Variants in SRGAP1 observed in about 807,000 individuals in gnomAD.
SRGAP1 encodes the protein SLIT-ROBO Rho GTPase activating protein 1, also known as SLIT-ROBO Rho GTPase-activating protein 1.
Under a neutral mutation model 121.9 loss-of-function variants are expected in SRGAP1, and 43 were observed. That is an observed-to-expected ratio of 0.35 (90% CI 0.28 to 0.46). The LOEUF (loss-of-function observed/expected upper bound fraction) is 0.46. Among genes scored for constraint, SRGAP1 ranks in the 20% least tolerant of loss-of-function variants. The pLI, the probability that SRGAP1 is intolerant of heterozygous loss-of-function variation, is 1.00. For missense variants in SRGAP1, 1,102 were observed against 1,350.9 expected, an observed-to-expected ratio of 0.82 and a Z score of 2.89; for synonymous variants, 447 against 485.4, an observed-to-expected ratio of 0.92 and a Z score of 1.04.
chr12:64,062,795 C>T, intron 6 of SRGAP1, 122 bp from the exon 7 acceptor site: 3 of 653,846 alleles, frequency 4.6e-6, no homozygotes, highest in African/African-American at 1.8e-5. Context: ...GTGCCTAATC[C>T]AATGTCATGA....
At chr12:64,025,157 A>T (rs1045910962) in intron 4 of SRGAP1, among the ~76,000 whole-genome samples, 169 of 152,212 alleles carry the variant, frequency 1.1e-3, no homozygotes, top group Non-Finnish European at 2.0e-3. Context: ...TTAAATAAAA[A>T]AAAAAAAAAA....
At chr12:64,042,737 C>G (rs2035050097) in intron 4 of SRGAP1, 53 bp from the exon 5 acceptor site, 1 of 1,449,612 alleles carries the variant, frequency 6.9e-7, no homozygotes, top group African/African-American at 1.4e-5. Context: ...TTCCCATTCA[C>G]TCTCTAAATG....
At chr12:64,114,762 A>G (rs1186056293) in intron 17 of SRGAP1, among the ~76,000 whole-genome samples, 1 of 152,200 alleles carries the variant, frequency 6.6e-6, no homozygotes, top group African/African-American at 2.4e-5. Flanking sequence ...ATTCTAGGAC[A>G]TTTTGTGATC....
intron 8 of SRGAP1, among the ~76,000 whole-genome samples, chr12:64,076,709 C>T (rs868557137): frequency 4.6e-5 from 7 of 151,938 alleles, no homozygotes; most frequent in African/African-American, 1.7e-4. Flanking sequence ...TGCAGTGGCA[C>T]GATCTCAGCT....
chr12:63,975,982 A>T (rs1195232441), intron 1 of SRGAP1, among the ~76,000 whole-genome samples: 1 of 152,194 alleles, frequency 6.6e-6, no homozygotes, highest in Admixed American at 6.5e-5. Context: ...AAGGTGTCGG[A>T]TGCTTAGCAT....
chr12:63,939,558 C>T (rs2031789231), intron 1 of SRGAP1, among the ~76,000 whole-genome samples: 1 of 152,082 alleles, frequency 6.6e-6, no homozygotes, highest in African/African-American at 2.4e-5. Flanking sequence ...AAATGCACCC[C>T]ATAGTGTTTG....
intron 1 of SRGAP1, among the ~76,000 whole-genome samples, chr12:63,846,408 C>T (rs1325644538): frequency 6.6e-6 from 1 of 152,114 alleles, no homozygotes; most frequent in East Asian, 1.9e-4. Context: ...GGCAGGTCTT[C>T]AAGGGGTGGC....
chr12:64,142,561 G>T lies in SRGAP1; in HGVS notation c.3147G>T (p.Gln1049His). Residue 1049 changes from glutamine (Q) to histidine (H), a missense_variant, in exon 22 of 22, where the codon CAG (glutamine) becomes CAT (histidine). This residue lies in a region of SRGAP1 where 315 missense variants were observed against 343.1 expected (regional missense o/e 0.92). Coordinates refer to ENST00000355086, the MANE Select transcript of SRGAP1 (RefSeq NM_020762.4). ...TGGTGGCACCCAGAATGGGCGTGCA[G>T]CTGAAGCCTCCAGCCCTTAGGCCAA... ...KPMVAPRMGV[Q>H]LKPPALRPKP... 6.2e-7 allele frequency: 1 copy of T among 1,614,232 alleles called. No individual in the cohort carries two copies. Among genetic ancestry groups the T allele is most frequent in the Non-Finnish European group, 8.5e-7 (1 of 1,180,050 alleles).
intron 4 of SRGAP1, among the ~76,000 whole-genome samples, chr12:64,034,329 A>G (rs1593063887): frequency 6.6e-6 from 1 of 151,706 alleles, no homozygotes. Context: ...TTCACCTTCC[A>G]CCATGATTGT....
chr12:64,093,337 A>G (rs1191372697), intron 12 of SRGAP1, among the ~76,000 whole-genome samples: 1 of 152,180 alleles, frequency 6.6e-6, no homozygotes, highest in African/African-American at 2.4e-5. Context: ...AGCTTTTTTA[A>G]AAAGCAATTA....
chr12:63,899,712 A>G (rs946738399), intron 1 of SRGAP1, among the ~76,000 whole-genome samples: 11 of 152,262 alleles, frequency 7.2e-5, no homozygotes, highest in Non-Finnish European at 1.3e-4. Context: ...CAGTTAGGTT[A>G]CAGTTCATTA....
intron 8 of SRGAP1, among the ~76,000 whole-genome samples, chr12:64,078,682 A>G (rs1279212520): frequency 6.6e-6 from 1 of 150,588 alleles, no homozygotes; most frequent in Admixed American, 6.5e-5. Flanking sequence ...GTACCCAGAT[A>G]TGAGATTTAT....
chr12:63,892,900 A>G (rs1408503255), intron 1 of SRGAP1, among the ~76,000 whole-genome samples: 3 of 152,136 alleles, frequency 2.0e-5, no homozygotes, highest in Admixed American at 6.5e-5. Flanking sequence ...AAAAAATTGT[A>G]GCAATTATAT....
In SRGAP1 at chr12:64,064,988, T is replaced by C. The variant is rs1241740387; in HGVS notation, c.1024-130T>C. ...TACAAGTGAAGTTTTGATGTGCCTA[T>C]TAAAAGTAAATATGTAATTGGAACC... On this transcript the variant is annotated intron_variant, in intron 7 of 21. Transcript: ENST00000355086. 5.9e-5 allele frequency: 37 copies of C among 628,824 alleles called. No individual in the cohort carries two copies. In the East Asian group the frequency reaches 1.1e-3, roughly 19 times the overall value. 39.0% of individuals were successfully genotyped at this position (628,824 alleles called of 1,614,324 possible).
chr12:63,936,176 T>A lies in SRGAP1; in HGVS notation c.68-47771T>A, dbSNP rs117990270. Among the ~76,000 whole-genome samples, 1,083 of 152,252 alleles carry A rather than the reference T, an allele frequency of 7.1e-3. 6 individuals carry two copies. Among genetic ancestry groups the A allele is most frequent in the Middle Eastern group, 0.014 (4 of 294 alleles). On this transcript the variant is annotated intron_variant, in intron 1 of 21. Transcript: ENST00000355086. Reference sequence around the variant, plus strand: ...CGTACCAAATGAGAAGTAAGTACAATAAGAGATACACGAATCCAGAGGATT... The same window carrying A: ...CGTACCAAATGAGAAGTAAGTACAAAAAGAGATACACGAATCCAGAGGATT...
At chr12:64,010,386 C>T (rs1213716062) in intron 3 of SRGAP1, among the ~76,000 whole-genome samples, 1 of 152,146 alleles carries the variant, frequency 6.6e-6, no homozygotes, top group Non-Finnish European at 1.5e-5. Flanking sequence ...CCTCTCCCTC[C>T]TTTCTGGGAG....
At chr12:64,046,285 C>T (rs1378377020) in intron 6 of SRGAP1, among the ~76,000 whole-genome samples, 1 of 152,094 alleles carries the variant, frequency 6.6e-6, no homozygotes, top group Non-Finnish European at 1.5e-5. Context: ...GAATTTTGTT[C>T]TATGTGTGAT....
chr12:64,125,853 C>A, intron 18 of SRGAP1, 124 bp from the exon 19 acceptor site: 1 of 874,222 alleles, frequency 1.1e-6, no homozygotes, highest in Non-Finnish European at 1.7e-6. Flanking sequence ...ATGTTGATGA[C>A]TCTGTTCAGT....
intron 1 of SRGAP1, among the ~76,000 whole-genome samples, chr12:63,935,967 G>GA (rs892034642): frequency 2.6e-5 from 4 of 151,954 alleles, no homozygotes; most frequent in Non-Finnish European, 4.4e-5. Flanking sequence ...GTCACAAACA[G>GA]AAAAAAGGGA....
Sources: gnomAD v4.1 joint callset for allele counts (sites outside exome capture counted in the v4.1 genomes callset) on GRCh38, gnomAD v4.1.1 for gene constraint, gnomAD v4.1.1 regional missense constraint, MANE v1.5 for transcripts, NCBI Gene and HGNC (gene_info 2026-07-23, HGNC 2026-07-21) for gene names.